ARHGEF6: variants seen among roughly 807,000 people sequenced by gnomAD.
ARHGEF6 encodes the protein Rac/Cdc42 guanine nucleotide exchange factor 6.
A neutral mutation model predicts 70.3 loss-of-function variants in ARHGEF6; 9 were observed. The ratio of observed to expected loss-of-function variants is 0.13; its 90% CI spans 0.08 to 0.22. ARHGEF6 has a LOEUF of 0.22. ARHGEF6 is among the 10% of genes least tolerant of loss of function. ARHGEF6 has a pLI of 1.00. For synonymous variants in ARHGEF6, 201 were observed against 207.8 expected (o/e 0.97, Z 0.28); for missense variants, 470 against 563.0 (o/e 0.83, Z 1.67).
Position 136,725,477 on chromosome X carries a change from T to C in ARHGEF6, c.732+6625A>G, listed in dbSNP as rs1188497629. The stretch of plus-strand genomic sequence containing the variant: ...GGATGTTTGGGATTCCTTCCCAAAG[T>C]CACTCAGAACTTTATTGCTTTCTTC... On this transcript the variant is annotated intron_variant, in intron 6 of 21. Coordinates refer to ENST00000250617, the MANE Select transcript of ARHGEF6 (RefSeq NM_004840.3). Among the ~76,000 whole-genome samples the C allele has an allele frequency of 7.3e-5, 8 of 110,146 alleles. No homozygotes were observed. The East Asian group carries it at 2.3e-3, about 31-fold the overall frequency.
intron 12 of ARHGEF6, 47 bp from the exon 13 acceptor site, chrX:136,682,891 T>C (rs2076346932): frequency 2.2e-5 from 22 of 1,015,618 alleles, no homozygotes; most frequent in Non-Finnish European, 3.1e-5. Flanking sequence ...TTGGACACTT[T>C]ATCTGTTGAG....
At chrX:136,773,353 G>C (rs779113914) in intron 2 of ARHGEF6, among the ~76,000 whole-genome samples, 4 of 112,019 alleles carry the variant, frequency 3.6e-5, no homozygotes, top group Admixed American at 1.9e-4. Flanking sequence ...CTTTGGGCCC[G>C]AGAGAGACTC....
chrX:136,779,640 A>C (rs1263980861), intron 1 of ARHGEF6, 143 bp from the exon 2 acceptor site: 5 of 540,084 alleles, frequency 9.3e-6, no homozygotes, highest in Non-Finnish European at 1.6e-5. Context: ...AGAAATAACC[A>C]CTGAAGGAAG....
In ARHGEF6 at chrX:136,742,433, T is replaced by C. The variant is rs907347114; in HGVS notation, c.661+1152A>G. Among the ~76,000 whole-genome samples, 5 of 112,236 alleles carry C rather than the reference T, an allele frequency of 4.5e-5. No individual in the cohort carries two copies. The East Asian group carries it at 1.1e-3, about 25-fold the overall frequency. On this transcript the variant is annotated intron_variant, in intron 5 of 21. Transcript: ENST00000250617. The stretch of plus-strand genomic sequence containing the variant: ...AATTAATAGTATCAATTTTGAGGCA[T>C]TGAAAAAGCAATAAGATATTTACAA...
At chrX:136,668,309 C>T in intron 21 of ARHGEF6, 140 bp from the exon 22 acceptor site, 1 of 738,473 alleles carries the variant, frequency 1.4e-6, no homozygotes, top group Non-Finnish European at 2.0e-6. Flanking sequence ...TATGACAAAG[C>T]AGCCTGTCGA....
At chrX:136,762,161 G>A (rs920173944) in intron 2 of ARHGEF6, among the ~76,000 whole-genome samples, 1 of 111,725 alleles carries the variant, frequency 9.0e-6, no homozygotes, top group African/African-American at 3.3e-5. Context: ...TGATCCTCCC[G>A]CCTCGGCCTC....
intron 2 of ARHGEF6, 93 bp from the exon 3 acceptor site, chrX:136,747,685 A>AT (rs2077109604): frequency 3.8e-5 from 8 of 212,923 alleles, no homozygotes; most frequent in East Asian, 2.4e-4. Context: ...AGCTCTCCGG[A>AT]AAAAAAAAAA....
intron 3 of ARHGEF6, among the ~76,000 whole-genome samples, chrX:136,746,370 T>C (rs1465778274): frequency 2.7e-5 from 3 of 112,477 alleles, no homozygotes; most frequent in Non-Finnish European, 3.8e-5. Flanking sequence ...AAAGCATTTT[T>C]TTTTCCAAAT....
At chrX:136,717,436 A>G (rs2076748242) in intron 6 of ARHGEF6, among the ~76,000 whole-genome samples, 1 of 112,012 alleles carries the variant, frequency 8.9e-6, no homozygotes, top group Admixed American at 9.5e-5. Context: ...GGAAACTGTC[A>G]CCATTAGACC....
chrX:136,755,222 A>G (rs1873875482), intron 2 of ARHGEF6, among the ~76,000 whole-genome samples: 1 of 112,211 alleles, frequency 8.9e-6, no homozygotes, highest in Non-Finnish European at 1.9e-5. Flanking sequence ...GTGGCCAGAC[A>G]TGTGTTCCCA....
intron 2 of ARHGEF6, among the ~76,000 whole-genome samples, chrX:136,777,761 T>TACACACACACACACACACACACACAC (rs376800070): frequency 1.0e-5 from 1 of 98,487 alleles, no homozygotes; most frequent in African/African-American, 3.7e-5. Context: ...TATGTATACA[T>TACACACACACACACACACACACACAC]ACACACACAC....
rs1356392596 is a variant in ARHGEF6 at position 136,666,463 on chromosome X, C to A, written c.*1566G>T. ...CTTGACCTCCTGGGCTCAAATGATC[C>A]TCCCACCTCAGCCTCCTGAGTAGCT... On this transcript the variant is annotated 3_prime_UTR_variant, in exon 22 of 22. Coordinates refer to ENST00000250617, the MANE Select transcript of ARHGEF6 (RefSeq NM_004840.3). 8.9e-6 allele frequency: 1 copy of A among 112,359 alleles called. No homozygotes were observed. Among genetic ancestry groups the A allele is most frequent in the Non-Finnish European group, 1.9e-5 (1 of 53,269 alleles). 9.3% of individuals were successfully genotyped at this position (112,359 alleles called of 1,213,427 possible). A position where few individuals can be genotyped will look rare whatever the true frequency, so the allele number is the denominator to read the frequency against.
chrX:136,761,956 G>A (rs2148677251), intron 2 of ARHGEF6, among the ~76,000 whole-genome samples: 1 of 110,503 alleles, frequency 9.0e-6, no homozygotes, highest in Non-Finnish European at 1.9e-5. Context: ...GCCTAGGCTG[G>A]AGTGCAATGG....
intron 5 of ARHGEF6, among the ~76,000 whole-genome samples, chrX:136,734,772 G>C (rs745941460): frequency 6.7e-4 from 75 of 111,685 alleles, no homozygotes; most frequent in Non-Finnish European, 1.2e-3. Context: ...GTAAAATTCA[G>C]CAATATTTTA....
intron 15 of ARHGEF6, 49 bp from the exon 16 acceptor site, chrX:136,679,709 C>T (rs749344427): frequency 8.3e-7 from 1 of 1,199,477 alleles, no homozygotes; most frequent in Admixed American, 2.2e-5. Flanking sequence ...CTGAACCCGA[C>T]CTTGTGCCAC....
At position 136,670,357 on chromosome X, in the gene ARHGEF6, A is replaced by C. The variant is rs747759203; in HGVS notation, c.2136-821T>G. Reference sequence around the variant, plus strand: ...AAGGCGGAAAAAGAAAAACTTTACTAGGTATGAAAAAAATCTGTACATGTT... The same window carrying C: ...AAGGCGGAAAAAGAAAAACTTTACTCGGTATGAAAAAAATCTGTACATGTT... On this transcript the variant is annotated intron_variant, in intron 20 of 21. Coordinates refer to ENST00000250617, the MANE Select transcript of ARHGEF6 (RefSeq NM_004840.3). Among the ~76,000 whole-genome samples the C allele has an allele frequency of 1.9e-4, 21 of 112,205 alleles. No homozygotes were observed. The South Asian group carries it at 7.9e-3, about 42-fold the overall frequency.
chrX:136,720,545 A>G (rs1344422196), intron 6 of ARHGEF6, among the ~76,000 whole-genome samples: 1 of 111,778 alleles, frequency 8.9e-6, no homozygotes, highest in Non-Finnish European at 1.9e-5. Context: ...AAACCCCGAC[A>G]TCTAACATCA....
chrX:136,732,568 C>A (rs1431340227), intron 5 of ARHGEF6, among the ~76,000 whole-genome samples: 1 of 112,467 alleles, frequency 8.9e-6, no homozygotes, highest in Non-Finnish European at 1.9e-5. Context: ...TTCAACTTAA[C>A]AATGGTGCAA....
chrX:136,771,475 T>A (rs1203581090), intron 2 of ARHGEF6, among the ~76,000 whole-genome samples: 1 of 112,484 alleles, frequency 8.9e-6, no homozygotes, highest in East Asian at 2.8e-4. Flanking sequence ...AATGGAGGAA[T>A]TGGCTAATGT....
Sources: allele counts gnomAD v4.1 joint callset (sites outside exome capture counted in the v4.1 genomes callset), GRCh38; gene constraint gnomAD v4.1.1; transcripts MANE v1.5; gene names NCBI Gene and HGNC (gene_info 2026-07-23, HGNC 2026-07-21).